USH2A: variants seen among roughly 807,000 people sequenced by gnomAD.
USH2A encodes the protein usherin.
Under a neutral mutation model 538.9 loss-of-function variants are expected in USH2A, and 443 were observed. That is an observed-to-expected ratio of 0.82 (90% CI 0.76 to 0.89). The LOEUF is 0.89. Among genes scored for constraint, USH2A ranks in the 40% least tolerant of loss-of-function variants. The pLI is 0.00. For synonymous variants in USH2A, 2,413 were observed against 2,273.5 expected (o/e 1.06, Z -1.75); for missense variants, 6,633 against 6,324.8 (o/e 1.05, Z -1.65).
chr1:215,799,435 T>C (rs1662255121), intron 49 of USH2A, among the ~76,000 whole-genome samples: 1 of 152,238 alleles, frequency 6.6e-6, no homozygotes, highest in Non-Finnish European at 1.5e-5. Flanking sequence ...TTTTGTTCTG[T>C]GTAATTTTCT....
chr1:216,073,044 A>G, intron 28 of USH2A, 53 bp downstream of exon 28: 5 of 1,613,150 alleles, frequency 3.1e-6, no homozygotes, highest in African/African-American at 1.3e-5. Flanking sequence ...AGGGAGGGAA[A>G]GGGGGATGAA....
chr1:216,146,023 T>G (rs1382377180), intron 21 of USH2A, among the ~76,000 whole-genome samples: 1 of 152,226 alleles, frequency 6.6e-6, no homozygotes. Flanking sequence ...AAAGCCTGTT[T>G]GGTGGTCTCT....
At chr1:215,845,574 A>C (rs934934454) in intron 45 of USH2A, among the ~76,000 whole-genome samples, 2 of 152,186 alleles carry the variant, frequency 1.3e-5, no homozygotes, top group African/African-American at 2.4e-5. Flanking sequence ...TTCTAAAATA[A>C]GTATACACTG....
chr1:216,067,543 T>C (rs1188112882), intron 30 of USH2A, among the ~76,000 whole-genome samples: 1 of 149,884 alleles, frequency 6.7e-6, no homozygotes, highest in Non-Finnish European at 1.5e-5. Flanking sequence ...AGTATTGCAG[T>C]TGTCCAGGAA....
chr1:215,732,176 C>T (rs966875679), intron 60 of USH2A, among the ~76,000 whole-genome samples: 1 of 152,130 alleles, frequency 6.6e-6, no homozygotes, highest in Non-Finnish European at 1.5e-5. Flanking sequence ...GCTGAGAGGA[C>T]AAATGGAAAC....
intron 13 of USH2A, among the ~76,000 whole-genome samples, chr1:216,239,673 G>C (rs1472317816): frequency 6.6e-6 from 1 of 152,264 alleles, no homozygotes; most frequent in South Asian, 2.1e-4. Flanking sequence ...AGTTTGAACA[G>C]CATCACTTTG....
intron 61 of USH2A, among the ~76,000 whole-genome samples, chr1:215,704,902 C>T (rs1455763081): frequency 1.3e-5 from 2 of 152,130 alleles, no homozygotes; most frequent in African/African-American, 4.8e-5. Flanking sequence ...ATTTACCTGC[C>T]TTTTCTCCCC....
chr1:215,777,459 A>G (rs145823419), intron 55 of USH2A, among the ~76,000 whole-genome samples: 3 of 152,364 alleles, frequency 2.0e-5, no homozygotes, highest in African/African-American at 7.2e-5. Flanking sequence ...ATACTACAAG[A>G]AGAAATTTCT....
intron 47 of USH2A, among the ~76,000 whole-genome samples, chr1:215,832,880 G>A (rs1256565299): frequency 6.6e-6 from 1 of 151,894 alleles, no homozygotes; most frequent in Non-Finnish European, 1.5e-5. Flanking sequence ...TTTGCTGGAT[G>A]TAAGCTCACT....
chr1:216,167,515 G>A (rs1210990469), intron 21 of USH2A, among the ~76,000 whole-genome samples: 1 of 152,100 alleles, frequency 6.6e-6, no homozygotes, highest in Non-Finnish European at 1.5e-5. Flanking sequence ...AAGTGAGCAT[G>A]CCTATAACTT....
chr1:215,663,153 A>G (rs138822056), intron 64 of USH2A, among the ~76,000 whole-genome samples: 85 of 152,318 alleles, frequency 5.6e-4, no homozygotes, highest in African/African-American at 1.7e-3. Flanking sequence ...TTTACACTCT[A>G]ACATTTTATC....
chr1:216,110,789 G>C (rs57631300), intron 21 of USH2A, among the ~76,000 whole-genome samples: 32,571 of 152,176 alleles, frequency 0.21, 4,448 homozygotes, highest in African/African-American at 0.37. Context: ...TTAAAATTCA[G>C]TGTGTGCACA....
At chr1:215,910,872 G>T (rs988890982) in intron 38 of USH2A, among the ~76,000 whole-genome samples, 1 of 151,600 alleles carries the variant, frequency 6.6e-6, no homozygotes, top group Non-Finnish European at 1.5e-5. Context: ...AATTGAGATC[G>T]CTCTGGATAC....
chr1:215,920,591 A>T (rs1666074579), intron 38 of USH2A, among the ~76,000 whole-genome samples: 1 of 152,056 alleles, frequency 6.6e-6, no homozygotes. Flanking sequence ...TTCTGTAATT[A>T]TGAAACCCCT....
At chr1:216,087,832 A>G (rs2032183093) in intron 23 of USH2A, among the ~76,000 whole-genome samples, 1 of 152,164 alleles carries the variant, frequency 6.6e-6, no homozygotes, top group Non-Finnish European at 1.5e-5. Flanking sequence ...GTTATTGCAG[A>G]AGCCTATTAA....
intron 3 of USH2A, among the ~76,000 whole-genome samples, chr1:216,386,488 A>AAAACAAAC (rs71161420): frequency 7.4e-6 from 1 of 134,914 alleles, no homozygotes; most frequent in African/African-American, 2.9e-5. Flanking sequence ...TCGTCTCAAA[A>AAAACAAAC]AAACAAACAA....
chr1:215,803,845 A>T (rs1662411981), intron 49 of USH2A, among the ~76,000 whole-genome samples: 1 of 150,748 alleles, frequency 6.6e-6, no homozygotes, highest in South Asian at 2.1e-4. Context: ...AAGCCAAAAG[A>T]AAAAAGCTGG....
At chr1:216,216,795 A>G (rs910701469) in intron 15 of USH2A, among the ~76,000 whole-genome samples, 6 of 152,168 alleles carry the variant, frequency 3.9e-5, no homozygotes, top group Non-Finnish European at 8.8e-5. Context: ...AATTAAAAAT[A>G]TAAATGTGAG....
intron 11 of USH2A, among the ~76,000 whole-genome samples, chr1:216,270,614 A>C (rs2036555914): frequency 6.6e-6 from 1 of 152,100 alleles, no homozygotes; most frequent in East Asian, 1.9e-4. Flanking sequence ...AATTGCCATC[A>C]CTAACCAGCT....
Sources: gnomAD v4.1 joint callset for allele counts (sites outside exome capture counted in the v4.1 genomes callset) on GRCh38, gnomAD v4.1.1 for gene constraint, MANE v1.5 for transcripts, NCBI Gene and HGNC (gene_info 2026-07-23, HGNC 2026-07-21) for gene names.